NAALAD2: variants seen among roughly 807,000 people sequenced by gnomAD.
The protein encoded by NAALAD2 is N-acetylated-alpha-linked acidic dipeptidase 2.
In NAALAD2, 89 loss-of-function variants were observed where a neutral mutation model predicts 95.6. The observed-to-expected ratio is 0.93, with a 90% CI of 0.78 to 1.11. The LOEUF (loss-of-function observed/expected upper bound fraction) is 1.11. Ranked by LOEUF, NAALAD2 falls within the 50% of genes least tolerant of loss-of-function variation. NAALAD2 has a pLI of 0.00. For synonymous variants in NAALAD2, 264 were observed against 294.4 expected (o/e 0.90, Z 1.06); for missense variants, 894 against 872.4 (o/e 1.02, Z -0.31).
Position 90,170,134 on chromosome 11 carries a change from G to C in NAALAD2, c.1408G>C (p.Glu470Gln), listed in dbSNP as rs745739216. ...CCAATTAGTGTATAAACTGACAAAA[G>C]AGGTATATAAGGAAATGTGTCTTCA... ...LYQLVYKLTK[E>Q]IPSPDDGFES... The change falls in exon 13 of 19, where the codon GAG becomes CAG. Residue 470 changes from glutamate (E) to glutamine (Q), a missense_variant and splice_region_variant. Coordinates refer to ENST00000534061, the MANE Select transcript of NAALAD2 (RefSeq NM_005467.4). 1.3e-6 allele frequency: 2 copies of C among 1,563,260 alleles called. No homozygotes were observed. Among genetic ancestry groups the C allele is most frequent in the Non-Finnish European group, 1.8e-6 (2 of 1,133,928 alleles).
At position 90,192,729 on chromosome 11, in the gene NAALAD2, C is replaced by T. The variant is rs891756120; in HGVS notation, c.*982C>T. 2 of 151,950 alleles carry T rather than the reference C, an allele frequency of 1.3e-5. No individual in the cohort carries two copies. The highest frequency in any genetic ancestry group is 2.9e-5 in the Non-Finnish European group (2 of 67,868). 9.4% of individuals were successfully genotyped at this position (151,950 alleles called of 1,614,324 possible). ...AATAATTTCAGCTCTACTGAATAAA[C>T]ATATAAGTCTGATGGGTGATGAAAA... is the stretch of plus-strand genomic sequence containing the variant. On this transcript the variant is annotated 3_prime_UTR_variant, in exon 19 of 19. Transcript: ENST00000534061.
intron 13 of NAALAD2, among the ~76,000 whole-genome samples, chr11:90,170,536 A>T (rs1952603436): frequency 6.6e-6 from 1 of 152,236 alleles, no homozygotes; most frequent in African/African-American, 2.4e-5. Flanking sequence ...GAATTATAGC[A>T]GCAATAGTGA....
chr11:90,159,292 T>C lies in NAALAD2; in HGVS notation c.944T>C (p.Val315Ala). 6.2e-7 allele frequency: 1 copy of C among 1,613,238 alleles called. No homozygotes were observed. The highest frequency in any genetic ancestry group is 8.5e-7 in the Non-Finnish European group (1 of 1,179,276). Residue 315 changes from valine to alanine, a missense_variant, in exon 8 of 19, where the codon GTG (valine) becomes GCG (alanine). Coordinates refer to ENST00000534061, the MANE Select transcript of NAALAD2 (RefSeq NM_005467.4). ...PDKSWKGALN[V>A]SYSIGPGFTG... ...AAGAGTTGGAAGGGAGCCCTTAATG[T>C]GAGTTATAGTATCGGACCTGGCTTT...
chr11:90,134,733 G>A lies in NAALAD2; in HGVS notation c.-26G>A, dbSNP rs778527880. 6 of 1,611,000 alleles carry A rather than the reference G, an allele frequency of 3.7e-6. No homozygotes were observed. The Admixed American group carries it at 5.0e-5, about 13-fold the overall frequency. ...CCCGAAGCTCGCGAATGTAGCAGGC[G>A]CCCCAAGCTCGGTCCTCAAGAAGCC... On this transcript the variant is annotated 5_prime_UTR_variant, in exon 1 of 19. Coordinates refer to ENST00000534061, the MANE Select transcript of NAALAD2 (RefSeq NM_005467.4).
At position 90,148,987 on chromosome 11, in the gene NAALAD2, A is replaced by G. The variant is rs1292802320; in HGVS notation, c.382-19A>G. 4.1e-6 allele frequency: 6 copies of G among 1,469,430 alleles called. 1 individual carries two copies. The highest frequency in any genetic ancestry group is 2.8e-6 in the Non-Finnish European group (3 of 1,064,200). 91.0% of individuals were successfully genotyped at this position (1,469,430 alleles called of 1,614,324 possible). On this transcript the variant is annotated intron_variant, in intron 3 of 18. Transcript: ENST00000534061. ...TAATCTGGAATTTTTCTAACTTGAC[A>G]TATTTTAATTCTTGCTAGATTTTCA...
chr11:90,139,042 C>T (rs1170567110), intron 2 of NAALAD2, among the ~76,000 whole-genome samples: 1 of 151,858 alleles, frequency 6.6e-6, no homozygotes, highest in Non-Finnish European at 1.5e-5. Flanking sequence ...ATCTAGGGGG[C>T]AAATTAGAGA....
At chr11:90,166,567 G>A (rs1228329931) in intron 11 of NAALAD2, among the ~76,000 whole-genome samples, 1 of 152,218 alleles carries the variant, frequency 6.6e-6, no homozygotes, top group Non-Finnish European at 1.5e-5. Flanking sequence ...TGGGCGCGGT[G>A]GCTCACGCCT....
At chr11:90,134,651 C>A, upstream of NAALAD2, 1 of 1,072,392 alleles carries the variant, frequency 9.3e-7, no homozygotes, top group Non-Finnish European at 1.4e-6. Context: ...CGAAGGTCAG[C>A]GGAGGCCACC....
At chr11:90,163,470 T>G in intron 10 of NAALAD2, 41 bp downstream of exon 10, 1 of 1,613,218 alleles carries the variant, frequency 6.2e-7, no homozygotes, top group South Asian at 1.1e-5. Context: ...AAAAAGTGAC[T>G]TACTGAATTT....
chr11:90,162,910 T>A, intron 8 of NAALAD2, 39 bp from the exon 9 acceptor site: 2 of 1,106,760 alleles, frequency 1.8e-6, no homozygotes, highest in Non-Finnish European at 2.6e-6. Flanking sequence ...AAAAACATAA[T>A]TTGCTGTACT....
chr11:90,147,232 T>C, intron 2 of NAALAD2, 98 bp from the exon 3 acceptor site: 1 of 949,882 alleles, frequency 1.1e-6, no homozygotes, highest in East Asian at 2.4e-5. Context: ...GAATGACAAC[T>C]TAATGCCCAA....
chr11:90,160,057 G>T lies in NAALAD2; in HGVS notation c.989+720G>T, dbSNP rs567898039. 1.8e-3 allele frequency among the ~76,000 whole-genome samples: 261 copies of T among 146,124 alleles called. 1 individual carries two copies. The highest frequency in any genetic ancestry group is 6.3e-3 in the African/African-American group (258 of 40,906). On this transcript the variant is annotated intron_variant, in intron 8 of 18. Transcript: ENST00000534061. ...AGATCACTTACTGTGTGGGTTAAAT[G>T]AGTTTAAATGGGTAAATCACATAGT...
chr11:90,184,046 CA>C (rs1218431243), intron 18 of NAALAD2, among the ~76,000 whole-genome samples: 1 of 152,066 alleles, frequency 6.6e-6, no homozygotes, highest in East Asian at 1.9e-4. Context: ...TCCTAGCATT[CA>C]AAGCCAGAAA....
intron 5 of NAALAD2, among the ~76,000 whole-genome samples, chr11:90,151,044 T>C (rs1344965608): frequency 3.9e-5 from 6 of 152,120 alleles, no homozygotes; most frequent in Non-Finnish European, 7.4e-5. Context: ...TTTTTTTTCA[T>C]TCAGCCATGA....
At chr11:90,140,150 C>A (rs973719540) in intron 2 of NAALAD2, among the ~76,000 whole-genome samples, 3 of 152,122 alleles carry the variant, frequency 2.0e-5, no homozygotes, top group African/African-American at 7.2e-5. Flanking sequence ...TGATTAATAT[C>A]ACACAGTGGT....
intron 2 of NAALAD2, among the ~76,000 whole-genome samples, chr11:90,140,383 G>A (rs1951575392): frequency 6.6e-6 from 1 of 151,748 alleles, no homozygotes; most frequent in Admixed American, 6.6e-5. Flanking sequence ...ATAGATTCAT[G>A]TTATTTTAAA....
At chr11:90,168,429 C>T (rs1348166688) in intron 11 of NAALAD2, among the ~76,000 whole-genome samples, 2 of 152,172 alleles carry the variant, frequency 1.3e-5, no homozygotes, top group South Asian at 2.1e-4. Flanking sequence ...ATTGTTTGAA[C>T]CTGGGAGGCC....
chr11:90,184,705 C>G (rs545582113), intron 18 of NAALAD2, among the ~76,000 whole-genome samples: 1 of 152,054 alleles, frequency 6.6e-6, no homozygotes, highest in South Asian at 2.1e-4. Flanking sequence ...CCCCTTGCCC[C>G]CTACACCCAG....
At chr11:90,166,098 T>TATC (rs1423818513) in intron 11 of NAALAD2, among the ~76,000 whole-genome samples, 13 of 152,230 alleles carry the variant, frequency 8.5e-5, no homozygotes, top group Non-Finnish European at 1.9e-4. Context: ...TGGAGTCAAC[T>TATC]ATCACCTGGC....
Sources: gnomAD v4.1 joint callset for allele counts (sites outside exome capture counted in the v4.1 genomes callset) on GRCh38, gnomAD v4.1.1 for gene constraint, MANE v1.5 for transcripts, NCBI Gene and HGNC (gene_info 2026-07-23, HGNC 2026-07-21) for gene names.